Variants in CSMD1 observed in about 807,000 individuals in gnomAD.
CSMD1 encodes CUB and Sushi multiple domains 1.
CSMD1 carries 213 observed loss-of-function variants against 417.5 expected under a neutral mutation model. The ratio of observed to expected loss-of-function variants is 0.51; its 90% CI spans 0.46 to 0.57. The LOEUF is 0.57. CSMD1 is among the 20% of genes least tolerant of loss of function. The pLI is 0.00. For synonymous variants in CSMD1, 2,862 were observed against 1,736.8 expected (o/e 1.65, Z -16.11); for missense variants, 6,923 against 4,529.7 (o/e 1.53, Z -15.17).
intron 1 of CSMD1, among the ~76,000 whole-genome samples, chr8:4,805,021 A>G (rs1798510346): frequency 6.6e-6 from 1 of 152,200 alleles, no homozygotes; most frequent in African/African-American, 2.4e-5. Flanking sequence ...AGAAGGTAGA[A>G]TTATACAGAA....
chr8:4,689,885 T>C (rs1049381819), intron 1 of CSMD1, among the ~76,000 whole-genome samples: 5 of 152,168 alleles, frequency 3.3e-5, no homozygotes, highest in African/African-American at 4.8e-5. Flanking sequence ...AAAACTACTA[T>C]GGAGGTAAGA....
intron 5 of CSMD1, among the ~76,000 whole-genome samples, chr8:3,793,452 G>A (rs1799864501): frequency 6.6e-6 from 1 of 151,798 alleles, no homozygotes; most frequent in Non-Finnish European, 1.5e-5. Context: ...CCCCTTTCTA[G>A]TAACTCCTGC....
At chr8:4,506,931 A>C (rs1205622942) in intron 2 of CSMD1, among the ~76,000 whole-genome samples, 1 of 152,208 alleles carries the variant, frequency 6.6e-6, no homozygotes. Context: ...TTCTGTCTTT[A>C]AAATATAAGG....
chr8:3,440,266 G>A (rs1814885907), intron 12 of CSMD1, among the ~76,000 whole-genome samples: 1 of 152,134 alleles, frequency 6.6e-6, no homozygotes, highest in South Asian at 2.1e-4. Flanking sequence ...TACTCTGAGT[G>A]TCCCAATACA....
intron 5 of CSMD1, among the ~76,000 whole-genome samples, chr8:3,876,628 G>C (rs915945087): frequency 4.6e-5 from 7 of 152,104 alleles, no homozygotes; most frequent in African/African-American, 1.2e-4. Context: ...CTTTGTTTTT[G>C]AGACAGAGTC....
intron 49 of CSMD1, among the ~76,000 whole-genome samples, chr8:3,084,115 C>T (rs751025049): frequency 6.6e-6 from 1 of 152,158 alleles, no homozygotes; most frequent in Non-Finnish European, 1.5e-5. Context: ...TAATCCACAA[C>T]ACACCATATG....
chr8:3,831,233 A>C (rs1802359663), intron 5 of CSMD1, among the ~76,000 whole-genome samples: 3 of 152,214 alleles, frequency 2.0e-5, no homozygotes, highest in Non-Finnish European at 2.9e-5. Context: ...AAATAAAAAA[A>C]ACAAAGTTTT....
At chr8:4,489,880 G>A (rs1287524054) in intron 2 of CSMD1, among the ~76,000 whole-genome samples, 1 of 152,116 alleles carries the variant, frequency 6.6e-6, no homozygotes, top group East Asian at 1.9e-4. Context: ...GCCTTGCCCA[G>A]ACTACGACCC....
In CSMD1 at chr8:4,098,593, C is replaced by T. The variant is rs541685863; in HGVS notation, c.416-66494G>A. On this transcript the variant is annotated intron_variant, in intron 3 of 69. Coordinates refer to ENST00000635120, the MANE Select transcript of CSMD1 (RefSeq NM_033225.6). ...CCTGAAAGATTGGGAACTCAACACC[C>T]TCTCTAAGGTTCAAATAAGTGAAGG... Among the ~76,000 whole-genome samples, 6 of 152,180 alleles carry T rather than the reference C, an allele frequency of 3.9e-5. 1 individual carries two copies. In the South Asian group the frequency reaches 6.2e-4, roughly 16 times the overall value.
chr8:3,680,131 G>T (rs1369974357), intron 7 of CSMD1, among the ~76,000 whole-genome samples: 1 of 152,006 alleles, frequency 6.6e-6, no homozygotes, highest in Non-Finnish European at 1.5e-5. Flanking sequence ...AACAACTAGA[G>T]AAGCAAGAGC....
chr8:3,027,934 C>A (rs1013760382), intron 51 of CSMD1, among the ~76,000 whole-genome samples: 12 of 152,188 alleles, frequency 7.9e-5, no homozygotes, highest in African/African-American at 2.9e-4. Flanking sequence ...AAGGAGAAGG[C>A]TCTCCACTGT....
intron 3 of CSMD1, among the ~76,000 whole-genome samples, chr8:4,175,770 A>G (rs1335497304): frequency 6.6e-6 from 1 of 152,212 alleles, no homozygotes; most frequent in Non-Finnish European, 1.5e-5. Context: ...AAAAAGATAT[A>G]AAGTCATGAA....
chr8:3,311,587 C>T (rs62504440), intron 23 of CSMD1, among the ~76,000 whole-genome samples: 20,472 of 152,062 alleles, frequency 0.13, 1,420 homozygotes, highest in Non-Finnish European at 0.14. Flanking sequence ...TTATGCTAGA[C>T]GATTTGTGCT....
At chr8:3,694,921 C>T (rs930639243) in intron 7 of CSMD1, among the ~76,000 whole-genome samples, 6 of 152,028 alleles carry the variant, frequency 3.9e-5, no homozygotes, top group Admixed American at 3.3e-4. Flanking sequence ...ACATCATTAG[C>T]ACCACGTGTA....
At chr8:3,512,110 T>C (rs1797099010) in intron 10 of CSMD1, among the ~76,000 whole-genome samples, 1 of 152,144 alleles carries the variant, frequency 6.6e-6, no homozygotes, top group Non-Finnish European at 1.5e-5. Flanking sequence ...ATATTTCTCA[T>C]CCTGCCTGGA....
At chr8:3,471,778 C>T (rs1469608115) in intron 11 of CSMD1, among the ~76,000 whole-genome samples, 1 of 150,714 alleles carries the variant, frequency 6.6e-6, no homozygotes, top group Non-Finnish European at 1.5e-5. Flanking sequence ...AAATATGTAT[C>T]TTAAGTCAAA....
chr8:4,703,938 G>A (rs909062551), intron 1 of CSMD1, among the ~76,000 whole-genome samples: 12 of 152,126 alleles, frequency 7.9e-5, no homozygotes, highest in Non-Finnish European at 1.5e-4. Context: ...ATTCTCACAA[G>A]TAGCACACAA....
intron 3 of CSMD1, among the ~76,000 whole-genome samples, chr8:4,372,200 T>A (rs1802438233): frequency 6.6e-6 from 1 of 152,190 alleles, no homozygotes; most frequent in Non-Finnish European, 1.5e-5. Context: ...GTATTAGCCA[T>A]TAAGGTATAA....
rs61597359 is a variant in CSMD1 at position 4,499,386 on chromosome 8, G to C, written c.303-79321C>G. Among the ~76,000 whole-genome samples the C allele has an allele frequency of 7.9e-3, 1,200 of 152,322 alleles. 20 individuals are homozygous for C. Among genetic ancestry groups the C allele is most frequent in the African/African-American group, 0.027 (1,143 of 41,568 alleles). On this transcript the variant is annotated intron_variant, in intron 2 of 69. Transcript: ENST00000635120. ...CAATACAAGCAGGCAAGTCTGCAGA[G>C]AGGGGTCAGGTTCTTATTACTTTAT...
Sources: gnomAD v4.1 joint callset for allele counts (sites outside exome capture counted in the v4.1 genomes callset) on GRCh38, gnomAD v4.1.1 for gene constraint, MANE v1.5 for transcripts, NCBI Gene and HGNC (gene_info 2026-07-23, HGNC 2026-07-21) for gene names.